Variants in LASP1 observed in about 807,000 individuals in gnomAD.
LASP1 encodes LIM and SH3 protein 1.
A neutral mutation model predicts 38.6 loss-of-function variants in LASP1; 10 were observed. The observed-to-expected ratio is 0.26, with a 90% confidence interval of 0.16 to 0.44. LASP1 has a LOEUF of 0.44. LASP1 is among the 20% of genes least tolerant of loss of function. The probability of loss-of-function intolerance (pLI) is 1.00; values close to 1 mark genes in which losing one functional copy is unlikely to be tolerated. For missense variants in LASP1, 243 were observed against 375.7 expected, an observed-to-expected ratio of 0.65 and a Z score of 2.92; for synonymous variants, 132 against 140.8, an observed-to-expected ratio of 0.94 and a Z score of 0.44.
intron 4 of LASP1, chr17:38,903,791 A>G (rs1047462839): frequency 6.6e-6 from 1 of 152,242 alleles, no homozygotes; most frequent in Non-Finnish European, 1.5e-5. Flanking sequence ...AAGTTTGGCC[A>G]TTGTCTAGTA....
At chr17:38,911,003 G>A (rs560595162) in intron 4 of LASP1, among the ~76,000 whole-genome samples, 2 of 152,246 alleles carry the variant, frequency 1.3e-5, no homozygotes, top group East Asian at 1.9e-4. Flanking sequence ...GATTACAGGC[G>A]TGAGTCACCG....
chr17:38,889,159 C>G (rs1914230387), intron 2 of LASP1, among the ~76,000 whole-genome samples: 1 of 152,072 alleles, frequency 6.6e-6, no homozygotes, highest in Admixed American at 6.5e-5. Flanking sequence ...GAGACGTAGT[C>G]TGGCTCTGTC....
chr17:38,901,842 T>G (rs929256718), intron 4 of LASP1, among the ~76,000 whole-genome samples: 5 of 152,128 alleles, frequency 3.3e-5, no homozygotes, highest in African/African-American at 1.2e-4. Context: ...CTCGGCTCAC[T>G]GCAACCTCCG....
At chr17:38,900,651 G>A (rs966274162) in intron 4 of LASP1, among the ~76,000 whole-genome samples, 2 of 151,974 alleles carry the variant, frequency 1.3e-5, no homozygotes, top group African/African-American at 4.8e-5. Context: ...CCAGCCTGGC[G>A]ACAGAGCAAG....
intron 4 of LASP1, among the ~76,000 whole-genome samples, chr17:38,906,657 C>T (rs1387353790): frequency 1.3e-5 from 2 of 152,212 alleles, no homozygotes; most frequent in Non-Finnish European, 2.9e-5. Flanking sequence ...TTCCCTCGTT[C>T]ACTGTGATGT....
chr17:38,872,603 G>A (rs1042827905), intron 1 of LASP1, among the ~76,000 whole-genome samples: 1 of 152,200 alleles, frequency 6.6e-6, no homozygotes, highest in African/African-American at 2.4e-5. Flanking sequence ...CCTGGAGGAT[G>A]CTGGGCTGTG....
At chr17:38,870,333 G>A in intron 1 of LASP1, 75 bp downstream of exon 1, 2 of 1,519,262 alleles carry the variant, frequency 1.3e-6, no homozygotes, top group Non-Finnish European at 1.8e-6. Context: ...AGAAGGGCCG[G>A]GTCTTTGCCG....
chr17:38,876,982 G>A (rs973438349), intron 1 of LASP1, among the ~76,000 whole-genome samples: 7 of 152,220 alleles, frequency 4.6e-5, no homozygotes, highest in Non-Finnish European at 8.8e-5. Flanking sequence ...GATTACAGGC[G>A]TGAGCCACCG....
chr17:38,877,715 C>T (rs988971102), intron 1 of LASP1, among the ~76,000 whole-genome samples: 1 of 152,144 alleles, frequency 6.6e-6, no homozygotes, highest in Non-Finnish European at 1.5e-5. Context: ...AGCAACCCAG[C>T]GCAGCTTTGC....
intron 3 of LASP1, among the ~76,000 whole-genome samples, chr17:38,892,767 A>G (rs1286426349): frequency 6.6e-6 from 1 of 152,186 alleles, no homozygotes; most frequent in East Asian, 1.9e-4. Context: ...TGCTGTTGGC[A>G]GGGGCTGCTT....
intron 2 of LASP1, among the ~76,000 whole-genome samples, chr17:38,878,441 G>A (rs920312548): frequency 6.6e-6 from 1 of 152,182 alleles, no homozygotes; most frequent in Admixed American, 6.5e-5. Flanking sequence ...GACTCTCAAG[G>A]TGGGATGGCT....
Position 38,920,085 on chromosome 17 carries a change from G to A in LASP1, c.*1307G>A. ...TTCCCCCCATCTCTGAGTGGAGGAA[G>A]CCCACCAATCTGCCCTTTGCAGTGT... On this transcript the variant is annotated 3_prime_UTR_variant, in exon 7 of 7. Coordinates refer to ENST00000318008, the MANE Select transcript of LASP1 (RefSeq NM_006148.4). 5.6e-6 allele frequency: 3 copies of A among 536,880 alleles called. No individual in the cohort carries two copies. Among genetic ancestry groups the A allele is most frequent in the Non-Finnish European group, 1.1e-5 (3 of 276,740 alleles). 33.3% of individuals were successfully genotyped at this position (536,880 alleles called of 1,614,324 possible). A position where few individuals can be genotyped will look rare whatever the true frequency, so the allele number is the denominator to read the frequency against.
intron 2 of LASP1, among the ~76,000 whole-genome samples, chr17:38,885,627 C>T (rs903234191): frequency 6.7e-5 from 7 of 105,242 alleles, no homozygotes; most frequent in Non-Finnish European, 1.3e-4. Flanking sequence ...GGACTCTGCC[C>T]TGCACCCAGC....
At chr17:38,892,810 C>T (rs1914372785) in intron 3 of LASP1, among the ~76,000 whole-genome samples, 1 of 152,218 alleles carries the variant, frequency 6.6e-6, no homozygotes, top group Non-Finnish European at 1.5e-5. Context: ...GCACCACGCT[C>T]TGGGTTTGGG....
intron 3 of LASP1, among the ~76,000 whole-genome samples, chr17:38,893,235 C>A (rs181843060): frequency 6.6e-6 from 1 of 152,206 alleles, no homozygotes; most frequent in Admixed American, 6.5e-5. Context: ...GCACAGGCAC[C>A]GAGCCCTGTG....
chr17:38,880,367 G>A (rs1355339277), intron 2 of LASP1, among the ~76,000 whole-genome samples: 1 of 152,246 alleles, frequency 6.6e-6, no homozygotes, highest in Non-Finnish European at 1.5e-5. Flanking sequence ...GCTGCCACAA[G>A]GTTGGGTGGA....
intron 2 of LASP1, among the ~76,000 whole-genome samples, chr17:38,888,646 A>G (rs973862166): frequency 2.6e-5 from 4 of 152,256 alleles, no homozygotes; most frequent in East Asian, 1.9e-4. Context: ...AGATAAATCA[A>G]TGAACAAAAG....
chr17:38,913,891 G>T (rs1049381817), intron 4 of LASP1, among the ~76,000 whole-genome samples: 1 of 151,782 alleles, frequency 6.6e-6, no homozygotes, highest in Admixed American at 6.6e-5. Context: ...AATCCCAGCC[G>T]CCCAGGAGGC....
At chr17:38,892,972 T>C (rs1013854650) in intron 3 of LASP1, among the ~76,000 whole-genome samples, 9 of 151,420 alleles carry the variant, frequency 5.9e-5, no homozygotes, top group South Asian at 4.2e-4. Context: ...TGTGTGTGTG[T>C]GCGTGTGCAC....
Sources: gnomAD v4.1 joint callset for allele counts (sites outside exome capture counted in the v4.1 genomes callset) on GRCh38, gnomAD v4.1.1 for gene constraint, MANE v1.5 for transcripts, NCBI Gene and HGNC (gene_info 2026-07-23, HGNC 2026-07-21) for gene names.